Variants in GOLGA1 observed in about 807,000 individuals in gnomAD.
GOLGA1 encodes golgin subfamily A member 1.
Under a neutral mutation model 119.7 loss-of-function variants are expected in GOLGA1, and 63 were observed. That is an observed-to-expected ratio of 0.53 (90% CI 0.43 to 0.65). GOLGA1 has a LOEUF of 0.65. GOLGA1 is among the 30% of genes least tolerant of loss of function. The pLI is 0.00. For synonymous variants in GOLGA1, 318 were observed against 333.4 expected (o/e 0.95, Z 0.50); for missense variants, 798 against 912.8 (o/e 0.87, Z 1.62).
At chr9:124,927,174 G>C (rs1224449016) in intron 6 of GOLGA1, among the ~76,000 whole-genome samples, 1 of 152,004 alleles carries the variant, frequency 6.6e-6, no homozygotes, top group Non-Finnish European at 1.5e-5. Flanking sequence ...GAGTAGGGGG[G>C]ATCTTTTGCA....
rs986352933 is a variant in GOLGA1, at chr9:124,899,384, A to G, written c.1256T>C (p.Ile419Thr). 1 of 1,549,568 alleles carries G rather than the reference A, an allele frequency of 6.5e-7. No individual in the cohort carries two copies. The highest frequency in any genetic ancestry group is 1.2e-5 in the South Asian group (1 of 84,066). ...TGCCCGCGTTCTCTCCAGGGCCACT[A>G]TCTGGGCTTCTAGCGCCTGGGTGCG... is the stretch of plus-strand genomic sequence containing the variant. ...LERTQALEAQ[I>T]VALERTRAAD... Residue 419 changes from isoleucine (I) to threonine (T), a missense_variant, in exon 14 of 23, where the codon ATA becomes ACA. Physicochemically the swap from Ile to Thr is moderately conservative, Grantham distance 89. Transcript: ENST00000373555.
In GOLGA1 at chr9:124,938,781, G is replaced by A. The variant is rs1170549107; in HGVS notation, c.-70C>T. On this transcript the variant is annotated 5_prime_UTR_variant, in exon 3 of 23. Transcript: ENST00000373555. ...TCCTGGTGCCTGTGTTCAGGATTCA[G>A]ACAGAGGCGCCTACAAAGTTTCAGA... 3.7e-6 allele frequency: 5 copies of A among 1,365,048 alleles called. No homozygotes were observed. The Admixed American group carries it at 7.2e-5, about 20-fold the overall frequency. 84.6% of individuals were successfully genotyped at this position (1,365,048 alleles called of 1,614,324 possible).
chr9:124,912,800 C>T (rs920979539), intron 10 of GOLGA1, among the ~76,000 whole-genome samples: 1 of 152,178 alleles, frequency 6.6e-6, no homozygotes, highest in Admixed American at 6.5e-5. Flanking sequence ...CCTCGGCCTC[C>T]CAAAGTGCTA....
At chr9:124,925,454 C>T (rs904989461) in intron 7 of GOLGA1, among the ~76,000 whole-genome samples, 4 of 150,928 alleles carry the variant, frequency 2.7e-5, no homozygotes, top group Admixed American at 6.6e-5. Context: ...CAGTGGCTCA[C>T]GACTGTAATC....
chr9:124,918,460 T>C (rs760929735), intron 10 of GOLGA1, among the ~76,000 whole-genome samples: 14 of 152,208 alleles, frequency 9.2e-5, no homozygotes, highest in Non-Finnish European at 1.8e-4. Flanking sequence ...ATGGTTCTAA[T>C]TGACATCAAA....
upstream of GOLGA1, chr9:124,944,466 A>ATTTTTTTTTTTTTTTT (rs71374207): frequency 7.1e-5 from 6 of 84,726 alleles, no homozygotes; most frequent in East Asian, 3.6e-4. Flanking sequence ...TGCCTGGCTA[A>ATTTTTTTTTTTTTTTT]TTTTTTTTTT....
Position 124,928,209 on chromosome 9 carries a change from C to G in GOLGA1, c.378G>C (p.Leu126Phe). 6.3e-7 allele frequency: 1 copy of G among 1,588,386 alleles called. No homozygotes were observed. The highest frequency in any genetic ancestry group is 8.6e-7 in the Non-Finnish European group (1 of 1,157,786). ...ATACCTGGTCCTTTCTGGCTAATGC[C>G]AAAGCCAGTCCTTCTGCCATTTTGG... ...NRAKMAEGLA[L>F]ALARKDQEWS... Residue 126 changes from leucine (L) to phenylalanine (F), a missense_variant, in exon 6 of 23, where the codon TTG becomes TTC. By Grantham distance (22) the Leu-to-Phe change is conservative. Transcript: ENST00000373555.
chr9:124,938,817 A>G lies in GOLGA1; in HGVS notation c.-106T>C. ...CTACAAAGTTTCAGACATCCAAGCT[A>G]GCTGCATTCCCACTTAAATGTGGGC... On this transcript the variant is annotated 5_prime_UTR_variant, in exon 3 of 23. Coordinates refer to ENST00000373555, the MANE Select transcript of GOLGA1 (RefSeq NM_002077.4). 1 of 873,686 alleles carries G rather than the reference A, an allele frequency of 1.1e-6. No individual in the cohort carries two copies. The highest frequency in any genetic ancestry group is 1.7e-6 in the Non-Finnish European group (1 of 578,992). The allele number at this position is 873,686 out of a possible 1,614,324, so 54.1% of individuals were successfully genotyped here.
chr9:124,910,264 C>T (rs369852758), intron 11 of GOLGA1, among the ~76,000 whole-genome samples: 2 of 151,368 alleles, frequency 1.3e-5, no homozygotes, highest in Admixed American at 6.6e-5. Context: ...GGGGTTTTGC[C>T]ATGTTGGCCA....
intron 3 of GOLGA1, among the ~76,000 whole-genome samples, chr9:124,934,864 T>C (rs1438553663): frequency 6.6e-6 from 1 of 152,030 alleles, no homozygotes; most frequent in Non-Finnish European, 1.5e-5. Flanking sequence ...CTAAGCAACA[T>C]GGCAAAACTC....
At chr9:124,922,155 G>C (rs1288293413) in intron 8 of GOLGA1, among the ~76,000 whole-genome samples, 1 of 151,874 alleles carries the variant, frequency 6.6e-6, no homozygotes, top group Non-Finnish European at 1.5e-5. Flanking sequence ...TTGAACCCGG[G>C]AGGTGGAGGT....
intron 7 of GOLGA1, among the ~76,000 whole-genome samples, chr9:124,925,937 T>C (rs17250311): frequency 0.035 from 5,401 of 152,308 alleles, 137 homozygotes; most frequent in Non-Finnish European, 0.057. Context: ...GCAATGGTAC[T>C]AGAATAATCA....
intron 11 of GOLGA1, among the ~76,000 whole-genome samples, chr9:124,908,957 A>G (rs937312185): frequency 6.6e-6 from 1 of 152,242 alleles, no homozygotes; most frequent in Non-Finnish European, 1.5e-5. Flanking sequence ...GCTCATGAGA[A>G]GCTTTTGAAT....
At chr9:124,938,453 T>C in intron 3 of GOLGA1, 124 bp downstream of exon 3, 2 of 773,268 alleles carry the variant, frequency 2.6e-6, no homozygotes, top group Non-Finnish European at 4.3e-6. Flanking sequence ...GTAAGAAGAA[T>C]CAGATGTACA....
At chr9:124,935,715 T>TGCTTGAACCCAGGGTCCA (rs1201111478) in intron 3 of GOLGA1, among the ~76,000 whole-genome samples, 1 of 148,980 alleles carries the variant, frequency 6.7e-6, no homozygotes, top group Non-Finnish European at 1.5e-5. Context: ...GCAGGAGAAT[T>TGCTTGAACCCAGGGTCCA]GCTTGAACCC....
upstream of GOLGA1, chr9:124,944,466 A>ATTTT (rs71374207): frequency 2.3e-3 from 192 of 84,722 alleles, 4 homozygotes; most frequent in Middle Eastern, 8.8e-3. Context: ...TGCCTGGCTA[A>ATTTT]TTTTTTTTTT....
chr9:124,943,428 C>T (rs1292395378), upstream of GOLGA1: 1 of 152,142 alleles, frequency 6.6e-6, no homozygotes, highest in Admixed American at 6.5e-5. Flanking sequence ...AAATAGGCAA[C>T]CAAATAGCTT....
rs1829515501 is a variant in GOLGA1 at position 124,879,194 on chromosome 9, T to A, written c.*1336A>T. The A allele has an allele frequency of 6.6e-6, 1 of 152,212 alleles. No individual in the cohort carries two copies. 9.4% of individuals were successfully genotyped at this position (152,212 alleles called of 1,614,324 possible). Reference sequence around the variant, plus strand: ...CATCACTGGATAATGGATAATAAATTTAGAGGCTCCAGTTATTAATTTAGT... The same window carrying A: ...CATCACTGGATAATGGATAATAAATATAGAGGCTCCAGTTATTAATTTAGT... On this transcript the variant is annotated 3_prime_UTR_variant, in exon 23 of 23. Transcript: ENST00000373555.
upstream of GOLGA1, chr9:124,942,521 A>G (rs1002611937): frequency 2.6e-5 from 4 of 152,182 alleles, no homozygotes; most frequent in African/African-American, 9.7e-5. Context: ...AGAAGCATCA[A>G]CCCCAAGATA....
Sources: gnomAD v4.1 joint callset for allele counts (sites outside exome capture counted in the v4.1 genomes callset) on GRCh38, gnomAD v4.1.1 for gene constraint, MANE v1.5 for transcripts, NCBI Gene and HGNC (gene_info 2026-07-23, HGNC 2026-07-21) for gene names.